TP53BP2: variants seen among roughly 807,000 people sequenced by gnomAD.
The protein encoded by TP53BP2 is tumor protein p53 binding protein 2.
A neutral mutation model predicts 126.2 loss-of-function variants in TP53BP2; 62 were observed. The observed-to-expected ratio is 0.49, with a 90% confidence interval of 0.40 to 0.61. The LOEUF (loss-of-function observed/expected upper bound fraction) is 0.61. Ranked by LOEUF, TP53BP2 falls within the 20% of genes least tolerant of loss-of-function variation. The pLI, the probability that TP53BP2 is intolerant of heterozygous loss-of-function variation, is 0.00. For synonymous variants in TP53BP2, 485 were observed against 502.9 expected (o/e 0.96, Z 0.48); for missense variants, 1,215 against 1,402.8 (o/e 0.87, Z 2.14).
intron 1 of TP53BP2, among the ~76,000 whole-genome samples, chr1:223,836,109 C>A (rs982552469): frequency 3.9e-5 from 6 of 152,138 alleles, no homozygotes; most frequent in Non-Finnish European, 8.8e-5. Context: ...AGAGGTGGGA[C>A]GCAAGGCAGG....
chr1:223,796,036 C>G lies in TP53BP2; in HGVS notation c.2503G>C (p.Gly835Arg). The G allele has an allele frequency of 1.2e-6, 2 of 1,614,078 alleles. No individual in the cohort carries two copies. The highest frequency in any genetic ancestry group is 2.2e-5 in the East Asian group (1 of 44,888). ...ACTCCCTCAGGCTCATAATCAAGGC[C>G]TGGAGAAGGAGCTGGCATGTCACTG... ...ENSDMPAPSP[G>R]LDYEPEGVPD... is the part of the protein sequence containing the mutation. The change falls in exon 13 of 18, where the codon GGC (glycine) becomes CGC (arginine). Residue 835 changes from glycine to arginine, a missense_variant. By Grantham distance (125) the Gly-to-Arg change is moderately radical. Around this residue, in one of 4 missense-constraint regions of TP53BP2, gnomAD observed 204 missense variants for 225.7 expected, o/e 0.90. Transcript: ENST00000343537. This position sits in a 1 kb window ranked among gnomAD's most constrained non-coding sequence, Gnocchi z 4.2.
At chr1:223,835,226 A>C (rs550710955) in intron 1 of TP53BP2, among the ~76,000 whole-genome samples, 5 of 152,346 alleles carry the variant, frequency 3.3e-5, no homozygotes, top group African/African-American at 1.2e-4. Context: ...CAATGTCTCA[A>C]AGAATTCTGC....
intron 13 of TP53BP2, among the ~76,000 whole-genome samples, chr1:223,794,537 T>A (rs1352740792): frequency 2.0e-5 from 3 of 152,234 alleles, no homozygotes; most frequent in Non-Finnish European, 4.4e-5. Flanking sequence ...CAGCAGAATC[T>A]TAAAAAGAAA....
chr1:223,805,352 T>A (rs1662675616), intron 5 of TP53BP2, among the ~76,000 whole-genome samples: 1 of 152,200 alleles, frequency 6.6e-6, no homozygotes, highest in African/African-American at 2.4e-5. Context: ...TGACTATATA[T>A]CCTTGCTACT....
chr1:223,830,692 C>T (rs2102882456), intron 1 of TP53BP2, among the ~76,000 whole-genome samples: 1 of 152,160 alleles, frequency 6.6e-6, no homozygotes, highest in East Asian at 1.9e-4. Flanking sequence ...AAATCATTTG[C>T]CAGAAGGACT....
intron 1 of TP53BP2, among the ~76,000 whole-genome samples, chr1:223,837,356 C>T (rs1206580364): frequency 6.6e-6 from 1 of 152,154 alleles, no homozygotes; most frequent in Non-Finnish European, 1.5e-5. Context: ...ATTTAAACTG[C>T]TCTGTGTAGC....
At chr1:223,788,481 G>A (rs1301947612) in intron 16 of TP53BP2, among the ~76,000 whole-genome samples, 2 of 152,038 alleles carry the variant, frequency 1.3e-5, no homozygotes, top group African/African-American at 2.4e-5. Context: ...TTTTCCTCTA[G>A]GTACAGATCT....
intron 3 of TP53BP2, among the ~76,000 whole-genome samples, chr1:223,812,336 C>G (rs1662938887): frequency 6.6e-6 from 1 of 152,208 alleles, no homozygotes. Flanking sequence ...TCCTAATGGT[C>G]AGGTACCATA....
At chr1:223,835,401 ATTTAGT>A (rs1016208639) in intron 1 of TP53BP2, among the ~76,000 whole-genome samples, 1 of 152,366 alleles carries the variant, frequency 6.6e-6, no homozygotes, top group African/African-American at 2.4e-5. Context: ...GAACAAATAC[ATTTAGT>A]TAATTCCTCC....
At chr1:223,845,566 C>T in intron 1 of TP53BP2, 88 bp downstream of exon 1, 1 of 1,379,576 alleles carries the variant, frequency 7.2e-7, no homozygotes, top group East Asian at 3.1e-5. Flanking sequence ...CAGGCTCCTT[C>T]CCCGACGCGC....
chr1:223,821,228 C>T lies in TP53BP2; in HGVS notation c.167G>A (p.Cys56Tyr). The T allele has an allele frequency of 1.9e-6, 3 of 1,614,046 alleles. No individual in the cohort carries two copies. Among genetic ancestry groups the T allele is most frequent in the Non-Finnish European group, 1.7e-6 (2 of 1,179,904 alleles). The change falls in exon 2 of 18, where the codon TGT becomes TAT. Residue 56 changes from cysteine to tyrosine, a missense_variant. Cys to Tyr is a radical substitution (Grantham distance 194). Transcript: ENST00000343537. ...CTGTCAGCGTCTCTCACCAGAGCCACACCACACTTCAGCCAAATGGCAATC... is the reference window on the plus strand; with the variant it reads ...CTGTCAGCGTCTCTCACCAGAGCCATACCACACTTCAGCCAAATGGCAATC... The part of the protein sequence containing the change: ...ESDCHLAEVW[C>Y]GSERPVADNE...
chr1:223,799,588 A>T (rs565218919), intron 11 of TP53BP2, among the ~76,000 whole-genome samples: 8 of 152,346 alleles, frequency 5.3e-5, no homozygotes, highest in East Asian at 3.9e-4. Flanking sequence ...TCACCACACA[A>T]GCATTTTGTA....
intron 1 of TP53BP2, among the ~76,000 whole-genome samples, chr1:223,838,387 A>T (rs1284595114): frequency 6.6e-6 from 1 of 152,244 alleles, no homozygotes; most frequent in African/African-American, 2.4e-5. Context: ...ATGTGATTTC[A>T]TTCAAAATCA....
chr1:223,802,161 G>A lies in TP53BP2; in HGVS notation c.1180C>T (p.Gln394Ter). Residue 394 changes from glutamine to a stop codon, truncating the protein, a stop_gained, in exon 9 of 18, where the codon CAG becomes TAG. Coordinates refer to ENST00000343537, the MANE Select transcript of TP53BP2 (RefSeq NM_001031685.3). LOFTEE classifies it high-confidence loss of function. Reference protein sequence around the residue: ...IQASEGPMKIQTLPNMRSGAA... With the variant: ...IQASEGPMKI The stretch of plus-strand genomic sequence containing the variant: ...CCAGATCTCATGTTGGGCAGTGTCT[G>A]TATTTTCATCGGCCCCTCTGAAGCC... 6.2e-7 allele frequency: 1 copy of A among 1,614,182 alleles called. No homozygotes were observed. Among genetic ancestry groups the A allele is most frequent in the Non-Finnish European group, 8.5e-7 (1 of 1,180,022 alleles).
At chr1:223,803,485 A>G in intron 6 of TP53BP2, 33 bp from the exon 7 acceptor site, 1 of 1,550,744 alleles carries the variant, frequency 6.4e-7, no homozygotes, top group Non-Finnish European at 8.7e-7. Context: ...ACAACAGTTG[A>G]AAAGAAAAAT....
Position 223,791,557 on chromosome 1 carries a change from C to A in TP53BP2, c.2996+832G>T, listed in dbSNP as rs562926661. On this transcript the variant is annotated intron_variant, in intron 15 of 17. Coordinates refer to ENST00000343537, the MANE Select transcript of TP53BP2 (RefSeq NM_001031685.3). ...TACACAGTCACGCGGTAGAGTAATA[C>A]GAGGCTAACTGAAATGTATGTATGT... is the stretch of plus-strand genomic sequence containing the variant. Among the ~76,000 whole-genome samples the A allele has an allele frequency of 2.0e-5, 3 of 152,160 alleles. No homozygotes were observed. The South Asian group carries it at 6.2e-4, about 32-fold the overall frequency.
intron 16 of TP53BP2, among the ~76,000 whole-genome samples, chr1:223,785,494 G>C (rs542850657): frequency 4.1e-4 from 62 of 152,342 alleles, no homozygotes; most frequent in Admixed American, 1.4e-3. Context: ...CAGTGTCTGA[G>C]ATGGGAATGA....
chr1:223,809,272 A>C (rs1662829351), intron 4 of TP53BP2, among the ~76,000 whole-genome samples: 1 of 152,178 alleles, frequency 6.6e-6, no homozygotes, highest in Non-Finnish European at 1.5e-5. Flanking sequence ...GATAATTATT[A>C]AATCAAAGAA....
At chr1:223,797,418 T>C (rs1200853850) in intron 12 of TP53BP2, among the ~76,000 whole-genome samples, 3 of 151,908 alleles carry the variant, frequency 2.0e-5, no homozygotes. Flanking sequence ...TATATGTACG[T>C]ATGTATGTTT....
Sources: allele counts gnomAD v4.1 joint callset (sites outside exome capture counted in the v4.1 genomes callset), GRCh38; gene constraint gnomAD v4.1.1; regional missense constraint gnomAD v4.1.1; non-coding constraint Gnocchi (gnomAD v3.1); transcripts MANE v1.5; gene names NCBI Gene and HGNC (gene_info 2026-07-23, HGNC 2026-07-21).